CELF2: variants seen among roughly 807,000 people sequenced by gnomAD.
CELF2 encodes the protein CUGBP Elav-like family member 2.
CELF2 carries 8 observed loss-of-function variants against 62.6 expected under a neutral mutation model. That is an observed-to-expected ratio of 0.13 (90% CI 0.07 to 0.23). The LOEUF (loss-of-function observed/expected upper bound fraction) is 0.23. Among genes scored for constraint, CELF2 ranks in the 10% least tolerant of loss-of-function variants. The probability of loss-of-function intolerance (pLI) is 1.00; values close to 1 mark genes in which losing one functional copy is unlikely to be tolerated. For missense variants in CELF2, 333 were observed against 671.0 expected, an observed-to-expected ratio of 0.50 and a Z score of 5.56; for synonymous variants, 258 against 250.0, an observed-to-expected ratio of 1.03 and a Z score of -0.30.
the CELF2 span, among the ~76,000 whole-genome samples, chr10:10,714,446 G>A: frequency 3.6e-4 from 55 of 152,176 alleles, 1 homozygote; most frequent in South Asian, 9.1e-3. Flanking sequence ...GAGCTCTGCC[G>A]GCTAGACATG....
intron 4 of CELF2, among the ~76,000 whole-genome samples, chr10:11,252,958 G>C (rs2077583587): frequency 6.6e-6 from 1 of 152,120 alleles, no homozygotes. Context: ...TAAACGAGCA[G>C]AAACATACTT....
chr10:10,766,864 A>G, the CELF2 span, among the ~76,000 whole-genome samples: 1 of 152,080 alleles, frequency 6.6e-6, no homozygotes, highest in Admixed American at 6.5e-5. Flanking sequence ...CCACTCACAC[A>G]TGTCTTCCTT....
At chr10:11,299,013 A>T (rs2093457978) in intron 9 of CELF2, among the ~76,000 whole-genome samples, 1 of 152,262 alleles carries the variant, frequency 6.6e-6, no homozygotes, top group African/African-American at 2.4e-5. Flanking sequence ...ATACAGGGAG[A>T]AGACAGTTTC....
the CELF2 span, among the ~76,000 whole-genome samples, chr10:10,537,788 C>A: frequency 6.6e-6 from 1 of 152,162 alleles, no homozygotes; most frequent in African/African-American, 2.4e-5. Flanking sequence ...CCATGAACAA[C>A]TGACATTTTC....
intron 8 of CELF2, among the ~76,000 whole-genome samples, chr10:11,279,350 G>C (rs1447551789): frequency 2.6e-5 from 4 of 152,176 alleles, no homozygotes; most frequent in Non-Finnish European, 4.4e-5. Flanking sequence ...ATCAACTTGA[G>C]ATCTGTTCTC....
At chr10:10,927,682 G>A (rs758346737) in intron 2 of CELF2, among the ~76,000 whole-genome samples, 4 of 152,062 alleles carry the variant, frequency 2.6e-5, no homozygotes, top group East Asian at 3.9e-4. Context: ...TCCCACCTTG[G>A]CCTCCTAAAA....
the CELF2 span, among the ~76,000 whole-genome samples, chr10:10,565,537 C>T: frequency 5.3e-5 from 8 of 152,284 alleles, no homozygotes; most frequent in South Asian, 1.2e-3. Flanking sequence ...TGAGCAACGC[C>T]GCTCCTTATT....
Position 11,330,655 on chromosome 10 carries a change from T to TG in CELF2, c.*1603dup, listed in dbSNP as rs1175771170. 2.0e-5 allele frequency: 3 copies of TG among 152,788 alleles called. No individual in the cohort carries two copies. The East Asian group carries it at 5.8e-4, about 29-fold the overall frequency. 9.5% of individuals were successfully genotyped at this position (152,788 alleles called of 1,614,324 possible). On this transcript the variant is annotated 3_prime_UTR_variant, in exon 13 of 13. Transcript: ENST00000633077. The surrounding 1 kb of genome is among the most constrained non-coding windows in gnomAD (Gnocchi z 4.5). ...AGCTATGAATTCTGGGAAGTCAATGTGAAAAACATTGCTGCATTCATGCAA... is the reference window on the plus strand; with the variant it reads ...AGCTATGAATTCTGGGAAGTCAATGTGGAAAAACATTGCTGCATTCATGCAA...
chr10:11,184,438 T>G (rs1034831869), intron 2 of CELF2, among the ~76,000 whole-genome samples: 5 of 152,242 alleles, frequency 3.3e-5, no homozygotes, highest in African/African-American at 4.8e-5. Flanking sequence ...TACAATAAAG[T>G]CCTACTACAG....
chr10:11,004,411 G>A (rs904608209), upstream of CELF2, among the ~76,000 whole-genome samples: 1 of 140,132 alleles, frequency 7.1e-6, no homozygotes, highest in Non-Finnish European at 1.5e-5. The surrounding 1 kb of genome is among the most constrained non-coding windows in gnomAD (Gnocchi z 5.0). Context: ...TCCTGTGTGT[G>A]TGTGCGCGCG....
the CELF2 span, among the ~76,000 whole-genome samples, chr10:10,657,107 G>C: frequency 3.3e-5 from 5 of 152,200 alleles, no homozygotes; most frequent in South Asian, 8.3e-4. Flanking sequence ...GCTACAGCAT[G>C]GTTGAACCCT....
chr10:11,126,454 C>T (rs1188375294), intron 1 of CELF2, among the ~76,000 whole-genome samples: 3 of 152,102 alleles, frequency 2.0e-5, no homozygotes, highest in Non-Finnish European at 2.9e-5. Context: ...AGATGGCATT[C>T]GTCATACATA....
At chr10:10,596,384 C>T in the CELF2 span, among the ~76,000 whole-genome samples, 113 of 152,336 alleles carry the variant, frequency 7.4e-4, no homozygotes, top group Non-Finnish European at 1.0e-3. Flanking sequence ...GAGCCATCCA[C>T]CCACTCTCCA....
the CELF2 span, among the ~76,000 whole-genome samples, chr10:10,578,599 A>C: frequency 6.6e-6 from 1 of 152,164 alleles, no homozygotes; most frequent in Non-Finnish European, 1.5e-5. Context: ...AAGGGAGAAC[A>C]TATTGGTATA....
At chr10:10,715,139 G>C in the CELF2 span, among the ~76,000 whole-genome samples, 2 of 152,158 alleles carry the variant, frequency 1.3e-5, no homozygotes, top group African/African-American at 4.8e-5. Context: ...CAATAGCAAA[G>C]TATGTTAACA....
At chr10:10,792,624 C>G in the CELF2 span, 1 of 391,718 alleles carries the variant, frequency 2.6e-6, no homozygotes, top group Non-Finnish European at 4.5e-6. Context: ...AGGTGTGATT[C>G]CCTGGTCTAT....
chr10:10,933,978 C>A lies in CELF2; in HGVS notation c.89+13979C>A, dbSNP rs987517121. On this transcript the variant is annotated intron_variant, in intron 2 of 13. Coordinates refer to the CELF2 transcript ENST00000636488. ...TTACCCAATAGTGGGATGGCTACAT[C>A]ATATGGCAGTTCTATTTTTAGATTT... Among the ~76,000 whole-genome samples, 9 of 152,206 alleles carry A rather than the reference C, an allele frequency of 5.9e-5. No individual in the cohort carries two copies. The South Asian group carries it at 1.9e-3, about 32-fold the overall frequency.
At chr10:10,641,729 G>A in the CELF2 span, among the ~76,000 whole-genome samples, 5 of 152,196 alleles carry the variant, frequency 3.3e-5, no homozygotes, top group Non-Finnish European at 7.3e-5. Context: ...GATTTCAGGA[G>A]TGATCCACTG....
At chr10:10,858,714 A>G (rs894071917) in intron 1 of CELF2, among the ~76,000 whole-genome samples, 2 of 152,152 alleles carry the variant, frequency 1.3e-5, no homozygotes, top group South Asian at 4.2e-4. Flanking sequence ...GAATGAAAGT[A>G]TGTTGTTGAA....
Sources: gnomAD v4.1 joint callset for allele counts (sites outside exome capture counted in the v4.1 genomes callset) on GRCh38, gnomAD v4.1.1 for gene constraint, Gnocchi (gnomAD v3.1) non-coding constraint, MANE v1.5 for transcripts, NCBI Gene and HGNC (gene_info 2026-07-23, HGNC 2026-07-21) for gene names.